The following GRHL2 variants were observed in gnomAD, a reference collection of about 807,000 sequenced individuals.
GRHL2 encodes grainyhead-like protein 2 homolog.
GRHL2 carries 21 observed loss-of-function variants against 83.8 expected under a neutral mutation model. The observed-to-expected ratio is 0.25, with a 90% CI of 0.18 to 0.36. GRHL2 has a LOEUF of 0.36. Among genes scored for constraint, GRHL2 ranks in the 10% least tolerant of loss-of-function variants. The pLI, the probability that GRHL2 is intolerant of heterozygous loss-of-function variation, is 1.00. For synonymous variants in GRHL2, 280 were observed against 278.9 expected, an observed-to-expected ratio of 1.00 and a Z score of -0.04; for missense variants, 623 against 781.8, an observed-to-expected ratio of 0.80 and a Z score of 2.42.
intron 13 of GRHL2, 53 bp from the exon 14 acceptor site, chr8:101,649,361 T>C: frequency 7.2e-7 from 1 of 1,388,534 alleles, no homozygotes. Context: ...CTGGAGCAGC[T>C]GTGGAATTGT....
intron 9 of GRHL2, among the ~76,000 whole-genome samples, chr8:101,624,899 G>A (rs1294666117): frequency 6.6e-6 from 1 of 151,956 alleles, no homozygotes; most frequent in Non-Finnish European, 1.5e-5. Context: ...CATTCTCCTG[G>A]AATTGATAAA....
chr8:101,598,520 A>G (rs1812442653), intron 7 of GRHL2, among the ~76,000 whole-genome samples: 1 of 151,222 alleles, frequency 6.6e-6, no homozygotes, highest in African/African-American at 2.4e-5. Flanking sequence ...GATTACAGGC[A>G]TGAGCCACCA....
rs1814085103 is a variant in GRHL2 at position 101,667,112 on chromosome 8, T to TATC, written c.*410_*412dup. ...CCCTTCTCTCTCACCCCTCCATATCTATCTCCCGAGTGGCTGGACAAAATG... is the reference window on the plus strand; with the variant it reads ...CCCTTCTCTCTCACCCCTCCATATCTATCATCTCCCGAGTGGCTGGACAAAATG... On this transcript the variant is annotated 3_prime_UTR_variant, in exon 16 of 16. Transcript: ENST00000646743. 7.3e-6 allele frequency: 2 copies of TATC among 273,642 alleles called. No homozygotes were observed. Among genetic ancestry groups the TATC allele is most frequent in the Admixed American group, 4.4e-5 (1 of 22,700 alleles). The allele number at this position is 273,642 out of a possible 1,614,324, so 17.0% of individuals were successfully genotyped here.
At chr8:101,634,600 C>T (rs1046157222) in intron 11 of GRHL2, among the ~76,000 whole-genome samples, 1 of 152,152 alleles carries the variant, frequency 6.6e-6, no homozygotes, top group African/African-American at 2.4e-5. Flanking sequence ...TCTCAGAAAC[C>T]GCCGCAGTCC....
intron 9 of GRHL2, among the ~76,000 whole-genome samples, chr8:101,625,608 T>C (rs1466535091): frequency 6.6e-6 from 1 of 152,114 alleles, no homozygotes; most frequent in Non-Finnish European, 1.5e-5. Flanking sequence ...GAGGGTAATC[T>C]GTGGCAAGGA....
chr8:101,495,914 C>T lies in GRHL2; in HGVS notation c.20+3125C>T, dbSNP rs547034554. 1.3e-3 allele frequency among the ~76,000 whole-genome samples: 196 copies of T among 152,144 alleles called. 2 individuals are homozygous for T. Among genetic ancestry groups the T allele is most frequent in the African/African-American group, 4.5e-3 (186 of 41,520 alleles). ...CTGTAATCCCAGCACTTTGGCAGGC[C>T]GAGGCAGGTGGATCACGAGGTCAGG... On this transcript the variant is annotated intron_variant, in intron 1 of 15. Transcript: ENST00000646743.
At chr8:101,539,381 C>T (rs571348267) in intron 1 of GRHL2, among the ~76,000 whole-genome samples, 89 of 152,232 alleles carry the variant, frequency 5.8e-4, no homozygotes, top group African/African-American at 1.7e-3. Flanking sequence ...TCATGGGCAA[C>T]GACTGAGGTT....
At chr8:101,664,612 G>A in intron 15 of GRHL2, 94 bp downstream of exon 15, 1 of 885,096 alleles carries the variant, frequency 1.1e-6, no homozygotes, top group Non-Finnish European at 1.9e-6. Context: ...TGTTAGGTCT[G>A]TTGCCCACTT....
chr8:101,628,255 A>G (rs1813118547), intron 9 of GRHL2, among the ~76,000 whole-genome samples: 1 of 151,980 alleles, frequency 6.6e-6, no homozygotes, highest in Non-Finnish European at 1.5e-5. Context: ...CTTAAAGTTG[A>G]AGTCAGTGCT....
chr8:101,675,250 G>A, the GRHL2 span, among the ~76,000 whole-genome samples: 1 of 152,142 alleles, frequency 6.6e-6, no homozygotes, highest in Admixed American at 6.5e-5. Flanking sequence ...ATTCAATTAG[G>A]AAAAGAGGAA....
intron 3 of GRHL2, among the ~76,000 whole-genome samples, chr8:101,554,813 T>C (rs1348988771): frequency 6.6e-6 from 1 of 151,984 alleles, no homozygotes; most frequent in Non-Finnish European, 1.5e-5. Flanking sequence ...GGTTCAATTT[T>C]AAATTATATT....
chr8:101,587,780 A>G (rs1230890266), intron 7 of GRHL2, among the ~76,000 whole-genome samples: 1 of 152,218 alleles, frequency 6.6e-6, no homozygotes, highest in Non-Finnish European at 1.5e-5. Flanking sequence ...TAGTTCATGA[A>G]ATCATATGTT....
In GRHL2 at chr8:101,668,765, G is replaced by A. The variant is rs577518706; in HGVS notation, c.*2062G>A. ...GGAATAGTTTCAAACATGATTGGCAGACATAACAACGGCAAATACTCGGAC... is the reference window on the plus strand; with the variant it reads ...GGAATAGTTTCAAACATGATTGGCAAACATAACAACGGCAAATACTCGGAC... On this transcript the variant is annotated 3_prime_UTR_variant, in exon 16 of 16. Transcript: ENST00000646743. 6 of 152,354 alleles carry A rather than the reference G, an allele frequency of 3.9e-5. No individual in the cohort carries two copies. Among genetic ancestry groups the A allele is most frequent in the Non-Finnish European group, 7.3e-5 (5 of 68,066 alleles). The allele number at this position is 152,354 out of a possible 1,614,324, so 9.4% of individuals were successfully genotyped here.
chr8:101,637,942 T>C (rs1000434292), intron 12 of GRHL2, among the ~76,000 whole-genome samples: 1 of 152,240 alleles, frequency 6.6e-6, no homozygotes, highest in African/African-American at 2.4e-5. Context: ...CAAGGTATAG[T>C]ACTAAATTTG....
At chr8:101,582,419 G>T (rs531749285) in intron 7 of GRHL2, among the ~76,000 whole-genome samples, 3 of 152,198 alleles carry the variant, frequency 2.0e-5, no homozygotes. Flanking sequence ...CTGTGGAAAG[G>T]CTTGTATTTT....
chr8:101,509,645 T>C (rs1810424525), intron 1 of GRHL2, among the ~76,000 whole-genome samples: 1 of 152,174 alleles, frequency 6.6e-6, no homozygotes, highest in South Asian at 2.1e-4. Context: ...TAGATATATA[T>C]ATATTTTTTC....
At chr8:101,515,158 C>T (rs1290999360) in intron 1 of GRHL2, among the ~76,000 whole-genome samples, 1 of 124,202 alleles carries the variant, frequency 8.1e-6, no homozygotes, top group African/African-American at 3.2e-5. Context: ...CTCTCTCTTT[C>T]TCTCTCTCTG....
intron 7 of GRHL2, among the ~76,000 whole-genome samples, chr8:101,597,228 T>C (rs16867971): frequency 0.51 from 77,914 of 152,012 alleles, 22,687 homozygotes; most frequent in African/African-American, 0.81. Flanking sequence ...CCCAGGAGTA[T>C]GAATTTTTAT....
intron 12 of GRHL2, among the ~76,000 whole-genome samples, chr8:101,642,055 A>G (rs35490413): frequency 0.12 from 18,851 of 152,132 alleles, 2,478 homozygotes; most frequent in African/African-American, 0.33. Context: ...TATGGTTGTG[A>G]AACCCACAGC....
Sources: gnomAD v4.1 joint callset for allele counts (sites outside exome capture counted in the v4.1 genomes callset) on GRCh38, gnomAD v4.1.1 for gene constraint, MANE v1.5 for transcripts, NCBI Gene and HGNC (gene_info 2026-07-23, HGNC 2026-07-21) for gene names.